Variants in MACROD2 observed in about 807,000 individuals in gnomAD.
MACROD2 encodes the protein mono-ADP ribosylhydrolase 2, also known as ADP-ribose glycohydrolase MACROD2.
Under a neutral mutation model 70.4 loss-of-function variants are expected in MACROD2, and 36 were observed. The observed-to-expected ratio is 0.51, with a 90% CI of 0.39 to 0.68. The LOEUF (loss-of-function observed/expected upper bound fraction) is 0.68. MACROD2 is among the 30% of genes least tolerant of loss of function. The pLI, the probability that MACROD2 is intolerant of heterozygous loss-of-function variation, is 0.00. For synonymous variants in MACROD2, 172 were observed against 178.8 expected (o/e 0.96, Z 0.30); for missense variants, 496 against 538.4 (o/e 0.92, Z 0.78).
intron 7 of MACROD2, among the ~76,000 whole-genome samples, chr20:15,485,316 C>T (rs997313791): frequency 1.3e-5 from 2 of 152,070 alleles, no homozygotes; most frequent in Admixed American, 6.6e-5. Context: ...TACACAAAAG[C>T]TCCACCTTCC....
intron 6 of MACROD2, among the ~76,000 whole-genome samples, chr20:15,340,274 A>G (rs34844156): frequency 0.072 from 10,818 of 150,780 alleles, 567 homozygotes; most frequent in East Asian, 0.17. Context: ...AGTAGCTGGC[A>G]TTACAGGTGC....
At chr20:15,845,206 A>G (rs372110986) in intron 8 of MACROD2, among the ~76,000 whole-genome samples, 2 of 152,118 alleles carry the variant, frequency 1.3e-5, no homozygotes, top group Non-Finnish European at 2.9e-5. Flanking sequence ...ATTAAGGTAG[A>G]TCCTAATTCC....
chr20:15,574,991 T>C (rs776648994), intron 8 of MACROD2, among the ~76,000 whole-genome samples: 19 of 152,210 alleles, frequency 1.2e-4, no homozygotes, highest in Non-Finnish European at 2.6e-4. Flanking sequence ...TCTCTTTATA[T>C]GTACGTACCT....
intron 5 of MACROD2, among the ~76,000 whole-genome samples, chr20:15,044,300 C>T (rs2075376809): frequency 6.6e-6 from 1 of 152,172 alleles, no homozygotes; most frequent in South Asian, 2.1e-4. Flanking sequence ...CACTCAGGAG[C>T]TTACAAGAGT....
intron 6 of MACROD2, among the ~76,000 whole-genome samples, chr20:15,345,782 G>A (rs749696438): frequency 6.6e-6 from 1 of 152,168 alleles, no homozygotes; most frequent in Non-Finnish European, 1.5e-5. Flanking sequence ...CAGCGCCCCA[G>A]TGTCTCTGTG....
At chr20:15,817,773 G>T (rs553315930) in intron 8 of MACROD2, among the ~76,000 whole-genome samples, 18 of 152,178 alleles carry the variant, frequency 1.2e-4, no homozygotes, top group Admixed American at 1.0e-3. Context: ...TTAAAGTCCA[G>T]ATGAAGGTTT....
intron 3 of MACROD2, among the ~76,000 whole-genome samples, chr20:14,415,104 G>A (rs1465727247): frequency 6.6e-6 from 1 of 152,068 alleles, no homozygotes; most frequent in Admixed American, 6.5e-5. Context: ...CTTATTATAT[G>A]TGTAATAAAC....
chr20:14,780,038 G>A (rs1408452024), intron 5 of MACROD2, among the ~76,000 whole-genome samples: 1 of 152,024 alleles, frequency 6.6e-6, no homozygotes, highest in East Asian at 1.9e-4. Flanking sequence ...GTTCAGAGAG[G>A]TTGAATCACT....
At chr20:14,383,212 G>T (rs1020714964) in intron 3 of MACROD2, among the ~76,000 whole-genome samples, 1 of 152,128 alleles carries the variant, frequency 6.6e-6, no homozygotes, top group East Asian at 1.9e-4. Flanking sequence ...TCCACATATA[G>T]TTTCTGCACT....
At chr20:15,429,155 G>A (rs1306298106) in intron 6 of MACROD2, among the ~76,000 whole-genome samples, 2 of 152,176 alleles carry the variant, frequency 1.3e-5, no homozygotes, top group East Asian at 1.9e-4. Flanking sequence ...ATTTTCATAC[G>A]GAGAGTAACG....
rs528323181 is a variant in MACROD2, at chr20:15,971,670, C to T, written c.985+4040C>T. On this transcript the variant is annotated intron_variant, in intron 13 of 17. Coordinates refer to ENST00000684519, the MANE Select transcript of MACROD2 (RefSeq NM_001351661.2). ...AGTGTGCAGGAATCAGCTGGTCCAC[C>T]TATGGCACCATGTGGGAATCAGGAC... Among the ~76,000 whole-genome samples the T allele has an allele frequency of 2.0e-4, 30 of 152,294 alleles. No homozygotes were observed. The South Asian group carries it at 5.8e-3, about 29-fold the overall frequency.
chr20:14,844,711 A>C (rs1258926528), intron 5 of MACROD2, among the ~76,000 whole-genome samples: 1 of 152,082 alleles, frequency 6.6e-6, no homozygotes. Context: ...TGTCCTAGGC[A>C]AACTGGTCCT....
chr20:14,839,341 A>G (rs1568826197), intron 5 of MACROD2, among the ~76,000 whole-genome samples: 2 of 152,142 alleles, frequency 1.3e-5, no homozygotes, highest in Non-Finnish European at 2.9e-5. Flanking sequence ...AGATCGCATG[A>G]AAGAATTTGA....
At chr20:15,727,278 A>G (rs773573870) in intron 8 of MACROD2, among the ~76,000 whole-genome samples, 3 of 151,998 alleles carry the variant, frequency 2.0e-5, no homozygotes, top group Non-Finnish European at 4.4e-5. Flanking sequence ...TAGGTTTTCT[A>G]TTCTGTTCCA....
chr20:14,194,478 G>A (rs974071382), intron 3 of MACROD2, among the ~76,000 whole-genome samples: 4 of 152,116 alleles, frequency 2.6e-5, no homozygotes, highest in Admixed American at 2.6e-4. Context: ...GCTCTCACCA[G>A]CTGCTGAGAC....
At chr20:14,043,093 A>T (rs2053416797) in intron 2 of MACROD2, among the ~76,000 whole-genome samples, 1 of 151,554 alleles carries the variant, frequency 6.6e-6, no homozygotes, top group South Asian at 2.1e-4. Context: ...TAATTTTTAA[A>T]TTTTTTTGTA....
At chr20:15,059,612 T>C (rs1437693679) in intron 5 of MACROD2, among the ~76,000 whole-genome samples, 1 of 152,132 alleles carries the variant, frequency 6.6e-6, no homozygotes, top group Non-Finnish European at 1.5e-5. Context: ...TCCCTTCTTT[T>C]CAATTCCATC....
chr20:15,437,272 A>G (rs1463530454), intron 7 of MACROD2, among the ~76,000 whole-genome samples: 1 of 152,178 alleles, frequency 6.6e-6, no homozygotes, highest in Admixed American at 6.6e-5. Flanking sequence ...CTTGGTACCC[A>G]TTCATCATGG....
At chr20:15,822,252 G>T (rs999210138) in intron 8 of MACROD2, among the ~76,000 whole-genome samples, 2 of 151,996 alleles carry the variant, frequency 1.3e-5, no homozygotes, top group Non-Finnish European at 2.9e-5. Flanking sequence ...GTACCTTTGT[G>T]GCGTACACTT....
Sources: gnomAD v4.1 joint callset for allele counts (sites outside exome capture counted in the v4.1 genomes callset) on GRCh38, gnomAD v4.1.1 for gene constraint, MANE v1.5 for transcripts, NCBI Gene and HGNC (gene_info 2026-07-23, HGNC 2026-07-21) for gene names.